The following MSRA variants were observed in gnomAD, a reference collection of about 807,000 sequenced individuals.
The protein encoded by MSRA is mitochondrial peptide methionine sulfoxide reductase.
Under a neutral mutation model 31.3 loss-of-function variants are expected in MSRA, and 54 were observed. That is an observed-to-expected ratio of 1.73 (90% confidence interval 1.39 to 2.17). MSRA has a LOEUF of 2.17. Among genes scored for constraint, MSRA ranks in the 30% most tolerant of loss-of-function variants. The probability of loss-of-function intolerance (pLI) is 0.00; values close to 1 mark genes in which losing one functional copy is unlikely to be tolerated. For synonymous variants in MSRA, 169 were observed against 116.5 expected (o/e 1.45, Z -2.90); for missense variants, 507 against 300.9 (o/e 1.69, Z -5.07).
rs929180883 is a variant in MSRA at position 10,141,344 on chromosome 8, C to G, written c.143-66489C>G. On this transcript the variant is annotated intron_variant, in intron 1 of 5. Transcript: ENST00000317173. ...AGCAGACCTAGAAAAGTTTCCATGACTTGTGTGATAGCACACAACTGATCA... is the reference window on the plus strand; with the variant it reads ...AGCAGACCTAGAAAAGTTTCCATGAGTTGTGTGATAGCACACAACTGATCA... 2.6e-5 allele frequency among the ~76,000 whole-genome samples: 4 copies of G among 152,322 alleles called. No individual in the cohort carries two copies. In the East Asian group the frequency reaches 7.7e-4, roughly 29 times the overall value.
intron 5 of MSRA, among the ~76,000 whole-genome samples, chr8:10,385,968 G>T (rs563643947): frequency 7.6e-4 from 115 of 152,206 alleles, no homozygotes; most frequent in South Asian, 2.7e-3. Context: ...TGGCTTTCTG[G>T]AGATAGCGCC....
At chr8:10,292,167 G>A (rs1800270790) in intron 3 of MSRA, among the ~76,000 whole-genome samples, 1 of 152,256 alleles carries the variant, frequency 6.6e-6, no homozygotes, top group Admixed American at 6.5e-5. Flanking sequence ...TAGGGACAGA[G>A]GGTTGGAGTC....
intron 1 of MSRA, among the ~76,000 whole-genome samples, chr8:10,055,753 G>A (rs144666975): frequency 4.7e-4 from 72 of 152,340 alleles, no homozygotes; most frequent in African/African-American, 1.7e-3. Flanking sequence ...AATTGTTGAG[G>A]ATAGGAGGAG....
intron 2 of MSRA, among the ~76,000 whole-genome samples, chr8:10,225,719 A>G (rs1810942089): frequency 6.6e-6 from 1 of 152,110 alleles, no homozygotes; most frequent in Admixed American, 6.5e-5. Context: ...TAGATGTCTG[A>G]CGAGCCTAGT....
chr8:10,082,351 A>T (rs1211840480), intron 1 of MSRA, among the ~76,000 whole-genome samples: 1 of 152,132 alleles, frequency 6.6e-6, no homozygotes, highest in Non-Finnish European at 1.5e-5. Context: ...CGGAAGGGGG[A>T]CCTCTAACCC....
chr8:10,349,890 A>AG (rs1804017092), intron 5 of MSRA, among the ~76,000 whole-genome samples: 1 of 152,196 alleles, frequency 6.6e-6, no homozygotes, highest in South Asian at 2.1e-4. Flanking sequence ...AAGGGCATTG[A>AG]GGGGCCTTCC....
At chr8:10,081,525 T>C (rs1263687071) in intron 1 of MSRA, among the ~76,000 whole-genome samples, 1 of 152,212 alleles carries the variant, frequency 6.6e-6, no homozygotes, top group East Asian at 1.9e-4. Flanking sequence ...AGTCTTACTC[T>C]GTCACCCAGG....
chr8:10,114,320 A>G (rs1238103567), intron 1 of MSRA, among the ~76,000 whole-genome samples: 1 of 152,158 alleles, frequency 6.6e-6, no homozygotes, highest in Non-Finnish European at 1.5e-5. Context: ...TCTTGTGTGA[A>G]TATATGTTTT....
At chr8:10,227,376 G>A (rs13256234) in intron 2 of MSRA, among the ~76,000 whole-genome samples, 36,519 of 152,004 alleles carry the variant, frequency 0.24, 4,909 homozygotes, top group Admixed American at 0.38. Context: ...TTAGATCTGT[G>A]AAGGGGAATG....
intron 5 of MSRA, among the ~76,000 whole-genome samples, chr8:10,321,986 A>G (rs1426744070): frequency 1.3e-5 from 2 of 152,240 alleles, no homozygotes; most frequent in African/African-American, 4.8e-5. Flanking sequence ...TTGTATTTCC[A>G]TTCTAAAAAC....
At chr8:10,112,188 G>A (rs1051933793) in intron 1 of MSRA, among the ~76,000 whole-genome samples, 3 of 152,240 alleles carry the variant, frequency 2.0e-5, no homozygotes, top group East Asian at 1.9e-4. Context: ...CCACAATCAC[G>A]TAGGGTTTAT....
intron 5 of MSRA, among the ~76,000 whole-genome samples, chr8:10,359,223 T>C (rs976063399): frequency 2.0e-5 from 3 of 152,190 alleles, no homozygotes; most frequent in South Asian, 4.1e-4. Flanking sequence ...TCTCCATTGA[T>C]TGGATCTTCT....
intron 1 of MSRA, among the ~76,000 whole-genome samples, chr8:10,159,981 T>C (rs1804495328): frequency 6.6e-6 from 1 of 152,240 alleles, no homozygotes; most frequent in Admixed American, 6.5e-5. Flanking sequence ...GATACTTTTA[T>C]AACATGAAAT....
At chr8:10,412,680 G>GC (rs1260684099) in intron 5 of MSRA, among the ~76,000 whole-genome samples, 5 of 152,182 alleles carry the variant, frequency 3.3e-5, no homozygotes, top group Middle Eastern at 3.2e-3. Context: ...CCTACAGGAT[G>GC]CCTTTGTATA....
intron 1 of MSRA, among the ~76,000 whole-genome samples, chr8:10,092,652 A>AC (rs1261180145): frequency 6.6e-6 from 1 of 150,580 alleles, no homozygotes; most frequent in East Asian, 1.9e-4. Flanking sequence ...CAAAAAAAAA[A>AC]AAAATTCTGC....
chr8:10,054,663 G>T lies in MSRA; in HGVS notation c.142+5G>T. On this transcript the variant is annotated splice_donor_5th_base_variant and intron_variant, in intron 1 of 5. Coordinates refer to ENST00000317173, the MANE Select transcript of MSRA (RefSeq NM_012331.5). ...AGGAACAGACCCCTGTAGCGGGTAA[G>T]CACTGGCCACACGGAAGGCGCGGGC... 1 of 1,524,688 alleles carries T rather than the reference G, an allele frequency of 6.6e-7. No homozygotes were observed. The highest frequency in any genetic ancestry group is 1.2e-5 in the South Asian group (1 of 81,808). The allele number at this position is 1,524,688 out of a possible 1,614,324, so 94.4% of individuals were successfully genotyped here.
At chr8:10,271,296 A>G (rs972494197) in intron 3 of MSRA, among the ~76,000 whole-genome samples, 1 of 152,152 alleles carries the variant, frequency 6.6e-6, no homozygotes, top group Admixed American at 6.5e-5. Context: ...CAAGCAGGCA[A>G]ACCCAGAATT....
At position 10,054,547 on chromosome 8, in the gene MSRA, C is replaced by T. The variant is rs1585050285; in HGVS notation, c.31C>T (p.Leu11Phe). MLSATRRACQ[L>F]LLLHSLFPVP... is the part of the protein sequence containing the mutation. ...CTCGGCCACCCGGAGGGCTTGCCAG[C>T]TCCTCCTCCTCCACAGCCTCTTTCC... Residue 11 changes from leucine (L) to phenylalanine (F), a missense_variant, in exon 1 of 6, where the codon CTC becomes TTC. Physicochemically the swap from Leu to Phe is conservative, Grantham distance 22. Transcript: ENST00000317173. 5.7e-6 allele frequency: 9 copies of T among 1,586,022 alleles called. No homozygotes were observed. Among genetic ancestry groups the T allele is most frequent in the Non-Finnish European group, 7.7e-6 (9 of 1,166,620 alleles).
chr8:10,348,644 A>G (rs71516569), intron 5 of MSRA, among the ~76,000 whole-genome samples: 28,530 of 152,102 alleles, frequency 0.19, 3,604 homozygotes, highest in Non-Finnish European at 0.28. Context: ...CTGGGATTAC[A>G]GGTGTGAGCC....
Sources: gnomAD v4.1 joint callset for allele counts (sites outside exome capture counted in the v4.1 genomes callset) on GRCh38, gnomAD v4.1.1 for gene constraint, MANE v1.5 for transcripts, NCBI Gene and HGNC (gene_info 2026-07-23, HGNC 2026-07-21) for gene names.